The following SLC9A4 variants were observed in gnomAD, a reference collection of about 807,000 sequenced individuals.
SLC9A4 encodes solute carrier family 9 member A4.
Under a neutral mutation model 67.4 loss-of-function variants are expected in SLC9A4, and 63 were observed. The observed-to-expected ratio is 0.93, with a 90% CI of 0.76 to 1.15. SLC9A4 has a LOEUF of 1.15. SLC9A4 is among the 50% of genes most tolerant of loss of function. The pLI, the probability that SLC9A4 is intolerant of heterozygous loss-of-function variation, is 0.00. For missense variants in SLC9A4, 1,089 were observed against 987.7 expected, an observed-to-expected ratio of 1.10 and a Z score of -1.38; for synonymous variants, 393 against 367.2, an observed-to-expected ratio of 1.07 and a Z score of -0.80.
intron 2 of SLC9A4, among the ~76,000 whole-genome samples, chr2:102,488,923 CTCCA>C (rs770963714): frequency 1.3e-5 from 2 of 152,096 alleles, no homozygotes; most frequent in African/African-American, 4.8e-5. Context: ...AGTTCTAATC[CTCCA>C]TCCATCCATC....
chr2:102,478,686 T>G (rs1385780354), intron 1 of SLC9A4, among the ~76,000 whole-genome samples, 153 bp from the exon 2 acceptor site: 1 of 152,212 alleles, frequency 6.6e-6, no homozygotes, highest in East Asian at 1.9e-4. Flanking sequence ...TTGGCGACCC[T>G]CATGACACTA....
At chr2:102,493,594 C>A (rs1410923097) in intron 2 of SLC9A4, among the ~76,000 whole-genome samples, 1 of 151,828 alleles carries the variant, frequency 6.6e-6, no homozygotes, top group East Asian at 1.9e-4. Context: ...ATGTCACTCC[C>A]CTAACACATA....
chr2:102,518,425 T>C (rs1352222234), intron 8 of SLC9A4, among the ~76,000 whole-genome samples: 1 of 152,228 alleles, frequency 6.6e-6, no homozygotes, highest in Admixed American at 6.5e-5. Flanking sequence ...TAAATCAGAA[T>C]AAATGTTATG....
intron 2 of SLC9A4, among the ~76,000 whole-genome samples, chr2:102,492,627 AT>A (rs58509061): frequency 1 from 152,293 of 152,294 alleles, 76,146 homozygotes; most frequent in Middle Eastern, 1. Flanking sequence ...CCAGGAAACC[AT>A]TTTTTTCCCT....
intron 9 of SLC9A4, among the ~76,000 whole-genome samples, chr2:102,521,474 C>T (rs1685418143): frequency 6.6e-6 from 1 of 152,132 alleles, no homozygotes. Context: ...ATGGGGAGAA[C>T]ACAATTGATA....
At chr2:102,479,552 A>G (rs1329321454) in intron 2 of SLC9A4, among the ~76,000 whole-genome samples, 1 of 152,202 alleles carries the variant, frequency 6.6e-6, no homozygotes, top group African/African-American at 2.4e-5. Context: ...AAGGAGAGAG[A>G]ACGTATCATT....
chr2:102,491,020 C>T (rs1684686970), intron 2 of SLC9A4, among the ~76,000 whole-genome samples: 1 of 152,246 alleles, frequency 6.6e-6, no homozygotes, highest in East Asian at 1.9e-4. Flanking sequence ...CTGGAAATGA[C>T]ATATATCTCT....
intron 9 of SLC9A4, 91 bp from the exon 10 acceptor site, chr2:102,524,933 T>C: frequency 6.6e-7 from 1 of 1,505,776 alleles, no homozygotes; most frequent in Non-Finnish European, 9.1e-7. Flanking sequence ...CCTGTTCTCC[T>C]GGTCTTAGGT....
intron 1 of SLC9A4, among the ~76,000 whole-genome samples, chr2:102,475,306 T>C (rs1390627911): frequency 6.6e-6 from 1 of 152,226 alleles, no homozygotes; most frequent in African/African-American, 2.4e-5. Flanking sequence ...AGTTTTCCTT[T>C]TAAAACAATA....
chr2:102,483,839 T>C (rs74180219), intron 2 of SLC9A4, among the ~76,000 whole-genome samples: 92,379 of 127,582 alleles, frequency 0.72, 33,815 homozygotes, highest in African/African-American at 0.83. Flanking sequence ...TATATATATA[T>C]ATACACACAC....
Position 102,505,419 on chromosome 2 carries a change from C to G in SLC9A4, c.1146C>G (p.Asn382Lys). 2 of 1,614,222 alleles carry G rather than the reference C, an allele frequency of 1.2e-6. No individual in the cohort carries two copies. Among genetic ancestry groups the G allele is most frequent in the Non-Finnish European group, 8.5e-7 (1 of 1,180,048 alleles). The change falls in exon 4 of 12, where the codon AAC (asparagine) becomes AAG (lysine). Residue 382 changes from asparagine to lysine, a missense_variant. Transcript: ENST00000295269. ...CTGTGGGCAAGAATCACGAGTGGAA[C>G]TGGGCCTTCATCTGCTTCACCCTGG... ...VSTVGKNHEW[N>K]WAFICFTLAF... is the part of the protein sequence containing the mutation.
At chr2:102,531,087 G>C (rs1674771066) in intron 11 of SLC9A4, among the ~76,000 whole-genome samples, 1 of 137,042 alleles carries the variant, frequency 7.3e-6, no homozygotes, top group Admixed American at 7.6e-5. Context: ...TTTTGAGACG[G>C]AGTCTTGCTC....
At chr2:102,526,679 C>T (rs555332601) in intron 11 of SLC9A4, among the ~76,000 whole-genome samples, 23 of 152,140 alleles carry the variant, frequency 1.5e-4, no homozygotes, top group Non-Finnish European at 3.1e-4. Flanking sequence ...TTGATCTCAT[C>T]TTGAAGAAAT....
chr2:102,474,060 A>G (rs1230639341), intron 1 of SLC9A4, 45 bp downstream of exon 1: 1 of 1,587,544 alleles, frequency 6.3e-7, no homozygotes. Context: ...TTTTTACATA[A>G]GATAGTGAAT....
chr2:102,512,348 G>T (rs1169546902), intron 7 of SLC9A4, 75 bp downstream of exon 7: 1 of 1,513,438 alleles, frequency 6.6e-7, no homozygotes, highest in Non-Finnish European at 9.2e-7. Flanking sequence ...AAATCAGAGA[G>T]AATTCAGGGA....
chr2:102,482,167 G>A (rs528361877), intron 2 of SLC9A4, among the ~76,000 whole-genome samples: 15 of 152,308 alleles, frequency 9.8e-5, no homozygotes, highest in Admixed American at 3.3e-4. Context: ...GACTGTCATA[G>A]GATTCAGAGA....
intron 11 of SLC9A4, among the ~76,000 whole-genome samples, chr2:102,528,025 T>G (rs1456921377): frequency 2.0e-5 from 3 of 152,190 alleles, no homozygotes; most frequent in Non-Finnish European, 4.4e-5. Context: ...TTTTATTTTT[T>G]TGAGATGAGT....
intron 2 of SLC9A4, among the ~76,000 whole-genome samples, chr2:102,484,073 T>C (rs1446620266): frequency 6.6e-6 from 1 of 152,072 alleles, no homozygotes; most frequent in Non-Finnish European, 1.5e-5. Flanking sequence ...GCATCTACTA[T>C]GTCACTTTTG....
chr2:102,515,361 A>G (rs1354575750), intron 8 of SLC9A4, among the ~76,000 whole-genome samples: 1 of 150,224 alleles, frequency 6.7e-6, no homozygotes, highest in African/African-American at 2.4e-5. Context: ...AATCCTAACT[A>G]AAAGTCACTA....
Sources: allele counts gnomAD v4.1 joint callset (sites outside exome capture counted in the v4.1 genomes callset), GRCh38; gene constraint gnomAD v4.1.1; transcripts MANE v1.5; gene names NCBI Gene and HGNC (gene_info 2026-07-23, HGNC 2026-07-21).